Variants in PREP observed in about 807,000 individuals in gnomAD.
The protein encoded by PREP is prolyl endopeptidase.
Under a neutral mutation model 87.6 loss-of-function variants are expected in PREP, and 29 were observed. That is an observed-to-expected ratio of 0.33 (90% CI 0.25 to 0.45). The LOEUF (loss-of-function observed/expected upper bound fraction) is 0.45. Ranked by LOEUF, PREP falls within the 20% of genes least tolerant of loss-of-function variation. The pLI is 1.00. For synonymous variants in PREP, 337 were observed against 328.6 expected (o/e 1.03, Z -0.28); for missense variants, 695 against 886.5 (o/e 0.78, Z 2.74).
At chr6:105,386,096 G>A (rs930210190) in intron 2 of PREP, among the ~76,000 whole-genome samples, 2 of 152,134 alleles carry the variant, frequency 1.3e-5, no homozygotes, top group Non-Finnish European at 2.9e-5. Flanking sequence ...CTCCAGCCTG[G>A]TGACAGAGCA....
rs1036377151 is a variant in PREP, at chr6:105,348,482, C to T, written c.823+4490G>A. Among the ~76,000 whole-genome samples, 19 of 152,276 alleles carry T rather than the reference C, an allele frequency of 1.2e-4. No homozygotes were observed. The East Asian group carries it at 2.9e-3, about 23-fold the overall frequency. ...GACAGGCAACATCTCTAATCTCATG[C>T]AGCTCACGGATCCTCACACAAAGTG... On this transcript the variant is annotated intron_variant, in intron 7 of 14. Coordinates refer to ENST00000652536, the MANE Select transcript of PREP (RefSeq NM_002726.5).
In PREP at chr6:105,321,121, A is replaced by G. The variant is rs76593195; in HGVS notation, c.1317+2544T>C. Among the ~76,000 whole-genome samples, 1,685 of 152,330 alleles carry G rather than the reference A, an allele frequency of 0.011. 108 individuals are homozygous for G. In the East Asian group the frequency reaches 0.17, roughly 15 times the overall value. Reference sequence around the variant, plus strand: ...GAAAGAATTCTATTTTAATAACAGTACTACGTGTATGAGGTATATAATCAG... The same window carrying G: ...GAAAGAATTCTATTTTAATAACAGTGCTACGTGTATGAGGTATATAATCAG... On this transcript the variant is annotated intron_variant, in intron 10 of 14. Coordinates refer to ENST00000652536, the MANE Select transcript of PREP (RefSeq NM_002726.5).
intron 8 of PREP, among the ~76,000 whole-genome samples, chr6:105,332,087 C>T (rs1771349711): frequency 6.6e-6 from 1 of 152,094 alleles, no homozygotes; most frequent in South Asian, 2.1e-4. Flanking sequence ...TGGGTCCTGT[C>T]CAACAGAACT....
At chr6:105,289,630 C>T (rs1562188075) in intron 10 of PREP, among the ~76,000 whole-genome samples, 1 of 151,986 alleles carries the variant, frequency 6.6e-6, no homozygotes, top group Non-Finnish European at 1.5e-5. Context: ...TAAAAAAAGC[C>T]ATAAGGAAGG....
At chr6:105,349,994 C>G (rs1452447881) in intron 7 of PREP, among the ~76,000 whole-genome samples, 2 of 150,670 alleles carry the variant, frequency 1.3e-5, no homozygotes, top group East Asian at 3.9e-4. Context: ...CAATTACCAA[C>G]CTGCACAATT....
intron 2 of PREP, among the ~76,000 whole-genome samples, chr6:105,388,755 G>T (rs1378131969): frequency 6.6e-6 from 1 of 152,166 alleles, no homozygotes; most frequent in Admixed American, 6.5e-5. Flanking sequence ...CATTTCCCAC[G>T]TCTACTACAG....
chr6:105,373,164 C>T (rs1772600153), intron 5 of PREP, among the ~76,000 whole-genome samples: 1 of 152,218 alleles, frequency 6.6e-6, no homozygotes, highest in African/African-American at 2.4e-5. Context: ...CCCATAGGCT[C>T]ATAGCAAAAA....
At chr6:105,389,484 G>A (rs1288639965) in intron 2 of PREP, among the ~76,000 whole-genome samples, 2 of 152,174 alleles carry the variant, frequency 1.3e-5, no homozygotes, top group Non-Finnish European at 2.9e-5. Flanking sequence ...TATCCACACA[G>A]ATATCCCCAG....
chr6:105,393,398 AG>A (rs1162273026), intron 2 of PREP, among the ~76,000 whole-genome samples: 5 of 152,088 alleles, frequency 3.3e-5, no homozygotes, highest in Admixed American at 1.3e-4. Flanking sequence ...GGGGCGGGGC[AG>A]GGGGTAGAGG....
At chr6:105,389,188 G>A (rs532524809) in intron 2 of PREP, among the ~76,000 whole-genome samples, 3 of 152,330 alleles carry the variant, frequency 2.0e-5, no homozygotes, top group African/African-American at 7.2e-5. Flanking sequence ...ATCTTCGTTT[G>A]ACTGGAGCTT....
In PREP at chr6:105,277,823, C is replaced by T. The variant is rs924560884; in HGVS notation, c.*321G>A. On this transcript the variant is annotated 3_prime_UTR_variant, in exon 15 of 15. Coordinates refer to ENST00000652536, the MANE Select transcript of PREP (RefSeq NM_002726.5). ...GAGGTTATGGATATAGATAAGTATG[C>T]CCGACTATGATCCTTAATTCAGCAA... 5 of 336,238 alleles carry T rather than the reference C, an allele frequency of 1.5e-5. No individual in the cohort carries two copies. Among genetic ancestry groups the T allele is most frequent in the Admixed American group, 4.6e-5 (1 of 21,812 alleles). The allele number at this position is 336,238 out of a possible 1,614,324, so 20.8% of individuals were successfully genotyped here. A position where few individuals can be genotyped will look rare whatever the true frequency, so the allele number is the denominator to read the frequency against.
In PREP at chr6:105,345,767, G is replaced by C. The variant is rs75420954; in HGVS notation, c.823+7205C>G. ...CTGACATGGATCCAAATCTTTAAATGGCATTAGGAAAGCTAGTTGGCCTCA... is the reference window on the plus strand; with the variant it reads ...CTGACATGGATCCAAATCTTTAAATCGCATTAGGAAAGCTAGTTGGCCTCA... On this transcript the variant is annotated intron_variant, in intron 7 of 14. Transcript: ENST00000652536. Among the ~76,000 whole-genome samples the C allele has an allele frequency of 7.2e-3, 1,089 of 152,248 alleles. 9 individuals are homozygous for C. The highest frequency in any genetic ancestry group is 0.013 in the Non-Finnish European group (886 of 68,022).
intron 6 of PREP, among the ~76,000 whole-genome samples, chr6:105,367,966 G>C (rs903790885): frequency 1.1e-4 from 16 of 152,082 alleles, no homozygotes; most frequent in Non-Finnish European, 1.6e-4. Flanking sequence ...CTAACCCCTG[G>C]TCTAGAAAAC....
At position 105,328,947 on chromosome 6, in the gene PREP, G is replaced by A. The variant is rs1306654583; in HGVS notation, c.1095C>T (p.Asp365=). 6.2e-7 allele frequency: 1 copy of A among 1,614,164 alleles called. No individual in the cohort carries two copies. Among genetic ancestry groups the A allele is most frequent in the Non-Finnish European group, 8.5e-7 (1 of 1,180,006 alleles). ...TCTTAAGGAGAGCACCAGTAGTCAG[G>A]TCATGGAGCTGCAGAATGTTCTTGA... ...HDVKNILQLH[D]LTTGALLKTF... Residue 365 remains aspartate, a synonymous_variant, in exon 9 of 15, where the codon GAC becomes GAT. Transcript: ENST00000652536.
chr6:105,385,566 G>T (rs1470337704), intron 2 of PREP, among the ~76,000 whole-genome samples: 1 of 152,002 alleles, frequency 6.6e-6, no homozygotes, highest in East Asian at 1.9e-4. Context: ...ACAAAATGGG[G>T]GGAAAAAACC....
chr6:105,371,589 CTTCT>C (rs1181931233), intron 5 of PREP, among the ~76,000 whole-genome samples: 1 of 144,352 alleles, frequency 6.9e-6, no homozygotes, highest in Non-Finnish European at 1.5e-5. Context: ...ATTTTGGAGG[CTTCT>C]TTGAGGCTGA....
chr6:105,286,977 G>A (rs1310992375), intron 11 of PREP, among the ~76,000 whole-genome samples: 2 of 51,920 alleles, frequency 3.9e-5, no homozygotes, highest in Non-Finnish European at 8.4e-5. Flanking sequence ...GTCCACTGAT[G>A]AAACACGTGT....
intron 8 of PREP, among the ~76,000 whole-genome samples, chr6:105,332,715 C>A (rs114072011): frequency 6.6e-6 from 1 of 152,134 alleles, no homozygotes; most frequent in Admixed American, 6.5e-5. Context: ...AGCAGCATAT[C>A]ATTTTTGGAA....
intron 10 of PREP, among the ~76,000 whole-genome samples, chr6:105,310,121 A>G (rs1198803365): frequency 6.6e-6 from 1 of 152,248 alleles, no homozygotes; most frequent in Non-Finnish European, 1.5e-5. Context: ...TTGAAAAGTA[A>G]TCGGAAGAAG....
Sources: allele counts gnomAD v4.1 joint callset (sites outside exome capture counted in the v4.1 genomes callset), GRCh38; gene constraint gnomAD v4.1.1; transcripts MANE v1.5; gene names NCBI Gene and HGNC (gene_info 2026-07-23, HGNC 2026-07-21).